GPATCH2: variants seen among roughly 807,000 people sequenced by gnomAD.
The protein encoded by GPATCH2 is G patch domain-containing protein 2.
GPATCH2 carries 51 observed loss-of-function variants against 58.0 expected under a neutral mutation model. That is an observed-to-expected ratio of 0.88 (90% CI 0.70 to 1.11). GPATCH2 has a LOEUF of 1.11. Among genes scored for constraint, GPATCH2 ranks in the 50% most tolerant of loss-of-function variants. The pLI, the probability that GPATCH2 is intolerant of heterozygous loss-of-function variation, is 0.00. For synonymous variants in GPATCH2, 222 were observed against 218.5 expected (o/e 1.02, Z -0.14); for missense variants, 625 against 652.2 (o/e 0.96, Z 0.45).
intron 5 of GPATCH2, among the ~76,000 whole-genome samples, chr1:217,565,195 TC>T (rs1279240699): frequency 3.0e-4 from 45 of 152,168 alleles, no homozygotes; most frequent in African/African-American, 1.1e-3. Flanking sequence ...GAACCTCAAG[TC>T]CCTGGAATTC....
At chr1:217,554,526 A>G (rs1665526331) in intron 5 of GPATCH2, among the ~76,000 whole-genome samples, 3 of 152,212 alleles carry the variant, frequency 2.0e-5, no homozygotes, top group South Asian at 4.1e-4. Context: ...AACTGCCACA[A>G]TTTGAACATT....
intron 8 of GPATCH2, among the ~76,000 whole-genome samples, chr1:217,482,024 A>G (rs529296748): frequency 4.7e-4 from 72 of 152,268 alleles, no homozygotes; most frequent in African/African-American, 1.7e-3. Context: ...AGGTACTACC[A>G]TTTTCTCTAT....
At chr1:217,499,028 C>T (rs1201265111) in intron 6 of GPATCH2, among the ~76,000 whole-genome samples, 1 of 152,150 alleles carries the variant, frequency 6.6e-6, no homozygotes, top group South Asian at 2.1e-4. Context: ...TCAGCTGCCC[C>T]TGGGACTCTT....
chr1:217,548,275 A>C (rs1571899387), intron 5 of GPATCH2, among the ~76,000 whole-genome samples: 1 of 152,158 alleles, frequency 6.6e-6, no homozygotes, highest in East Asian at 1.9e-4. Context: ...GTGGTGGGGG[A>C]AGGGAGAGAT....
Position 217,523,703 on chromosome 1 carries a change from G to A in GPATCH2, c.1099-8814C>T, listed in dbSNP as rs868590834. Among the ~76,000 whole-genome samples the A allele has an allele frequency of 6.3e-3, 957 of 150,964 alleles. 21 individuals carry two copies. The highest frequency in any genetic ancestry group is 0.022 in the African/African-American group (883 of 40,458). On this transcript the variant is annotated intron_variant, in intron 5 of 9. Coordinates refer to ENST00000366935, the MANE Select transcript of GPATCH2 (RefSeq NM_018040.5). ...GAGCTGTTGGGTACACCTCCCAGAC[G>A]GGGTGGTGGCCGGGCAGAGGGGCTC...
At chr1:217,519,028 C>T (rs1663320235) in intron 5 of GPATCH2, among the ~76,000 whole-genome samples, 1 of 152,154 alleles carries the variant, frequency 6.6e-6, no homozygotes, top group Non-Finnish European at 1.5e-5. Flanking sequence ...GACTCAACTT[C>T]TTTGAAGAAA....
At chr1:217,560,963 G>A (rs561757174) in intron 5 of GPATCH2, among the ~76,000 whole-genome samples, 125 of 152,292 alleles carry the variant, frequency 8.2e-4, no homozygotes, top group Non-Finnish European at 1.4e-3. Context: ...TAATGGGGTA[G>A]GGAAGAAGGA....
intron 8 of GPATCH2, among the ~76,000 whole-genome samples, chr1:217,474,739 T>G (rs748766670): frequency 1.4e-4 from 21 of 152,186 alleles, no homozygotes; most frequent in Non-Finnish European, 2.4e-4. Context: ...TTTTTTTACC[T>G]GCTTGGTATA....
At chr1:217,574,876 A>G (rs1666735086) in intron 5 of GPATCH2, among the ~76,000 whole-genome samples, 1 of 152,216 alleles carries the variant, frequency 6.6e-6, no homozygotes, top group South Asian at 2.1e-4. Flanking sequence ...GCAAAATTTG[A>G]GATCAAATTC....
At chr1:217,565,925 A>C (rs1666205529) in intron 5 of GPATCH2, among the ~76,000 whole-genome samples, 1 of 151,922 alleles carries the variant, frequency 6.6e-6, no homozygotes, top group Non-Finnish European at 1.5e-5. Context: ...AAAATGGAGA[A>C]ACCTCATCTC....
chr1:217,510,304 G>A (rs1464145786), intron 6 of GPATCH2, among the ~76,000 whole-genome samples: 1 of 151,740 alleles, frequency 6.6e-6, no homozygotes, highest in Non-Finnish European at 1.5e-5. Context: ...AAACCATTAT[G>A]CTACTCTTTG....
intron 5 of GPATCH2, among the ~76,000 whole-genome samples, chr1:217,564,391 G>C (rs992830102): frequency 5.9e-5 from 9 of 152,162 alleles, no homozygotes; most frequent in Non-Finnish European, 1.0e-4. Flanking sequence ...CAACACTACT[G>C]TAGCAACAAA....
At chr1:217,590,572 G>A (rs543565506) in intron 5 of GPATCH2, among the ~76,000 whole-genome samples, 1 of 152,286 alleles carries the variant, frequency 6.6e-6, no homozygotes, top group South Asian at 2.1e-4. Context: ...AGGAGTATTT[G>A]ACCAATCAAT....
intron 5 of GPATCH2, among the ~76,000 whole-genome samples, chr1:217,524,297 T>C (rs1360862941): frequency 1.3e-5 from 2 of 149,422 alleles, no homozygotes. Context: ...ACTTCCTAGA[T>C]GGGATGGCGG....
In GPATCH2 at chr1:217,427,200, C is replaced by T. The variant is rs1231169943; in HGVS notation, c.*3945G>A. ...CAGAGAGAGCGTGTGTACCTTGTTA[C>T]ATTAGAATCACAGAATCCTTGAGGG... On this transcript the variant is annotated 3_prime_UTR_variant, in exon 10 of 10. Coordinates refer to ENST00000366935, the MANE Select transcript of GPATCH2 (RefSeq NM_018040.5). 6.6e-6 allele frequency: 1 copy of T among 152,114 alleles called. No homozygotes were observed. The highest frequency in any genetic ancestry group is 2.4e-5 in the African/African-American group (1 of 41,446). The allele number at this position is 152,114 out of a possible 1,614,324, so 9.4% of individuals were successfully genotyped here.
intron 8 of GPATCH2, among the ~76,000 whole-genome samples, chr1:217,489,921 C>T (rs1002845633): frequency 6.6e-6 from 1 of 152,086 alleles, no homozygotes; most frequent in African/African-American, 2.4e-5. Flanking sequence ...TTAAAAAGTC[C>T]TACAAATTAC....
intron 5 of GPATCH2, among the ~76,000 whole-genome samples, chr1:217,552,832 C>G (rs1665429791): frequency 6.6e-6 from 1 of 152,040 alleles, no homozygotes; most frequent in Non-Finnish European, 1.5e-5. Flanking sequence ...CTTAAAGATT[C>G]ATTATGAAGG....
chr1:217,524,533 G>C (rs912413816), intron 5 of GPATCH2, among the ~76,000 whole-genome samples: 3 of 151,766 alleles, frequency 2.0e-5, no homozygotes, highest in African/African-American at 7.2e-5. Flanking sequence ...ATGTTGTAGC[G>C]AGCTGAGATC....
At chr1:217,586,196 A>G (rs1162729668) in intron 5 of GPATCH2, among the ~76,000 whole-genome samples, 1 of 152,178 alleles carries the variant, frequency 6.6e-6, no homozygotes, top group Non-Finnish European at 1.5e-5. Flanking sequence ...TCTTTCTTCA[A>G]TAATAAATTA....
Sources: gnomAD v4.1 joint callset for allele counts (sites outside exome capture counted in the v4.1 genomes callset) on GRCh38, gnomAD v4.1.1 for gene constraint, MANE v1.5 for transcripts, NCBI Gene and HGNC (gene_info 2026-07-23, HGNC 2026-07-21) for gene names.